NUMB: variants seen among roughly 807,000 people sequenced by gnomAD.
NUMB encodes NUMB endocytic adaptor protein.
In NUMB, 29 loss-of-function variants were observed where a neutral mutation model predicts 59.7. That is an observed-to-expected ratio of 0.49 (90% CI 0.36 to 0.66). The LOEUF is 0.66. NUMB is among the 30% of genes least tolerant of loss of function. NUMB has a pLI of 0.00. For synonymous variants in NUMB, 288 were observed against 288.2 expected (o/e 1.00, Z 0.01); for missense variants, 723 against 822.0 (o/e 0.88, Z 1.47).
Position 73,316,345 on chromosome 14 carries a change from G to A in NUMB, c.234+45C>T, listed in dbSNP as rs751826457. On this transcript the variant is annotated intron_variant, in intron 6 of 12. Coordinates refer to ENST00000555238, the MANE Select transcript of NUMB (RefSeq NM_001005743.2). ...AAAATATGTCAGTGCTACACTAGGG[G>A]TGTAACTCCTTATAAAGCAAGCATG... 4 of 1,561,094 alleles carry A rather than the reference G, an allele frequency of 2.6e-6. No homozygotes were observed. In the South Asian group the frequency reaches 4.4e-5, roughly 17 times the overall value.
chr14:73,383,309 T>C (rs915091194), intron 2 of NUMB, among the ~76,000 whole-genome samples: 1 of 151,412 alleles, frequency 6.6e-6, no homozygotes, highest in East Asian at 1.9e-4. Flanking sequence ...AAAAAAAAAG[T>C]TAAATTGAAA....
chr14:73,452,038 G>T (rs1884016093), intron 1 of NUMB, among the ~76,000 whole-genome samples: 1 of 151,886 alleles, frequency 6.6e-6, no homozygotes, highest in Admixed American at 6.6e-5. Flanking sequence ...GAGTTTAGGA[G>T]TTTAACAAGA....
At chr14:73,368,575 C>A (rs1407385165) in intron 2 of NUMB, among the ~76,000 whole-genome samples, 1 of 151,194 alleles carries the variant, frequency 6.6e-6, no homozygotes, top group African/African-American at 2.4e-5. Flanking sequence ...AAGAGCAAGA[C>A]TCCGTCTCCA....
At chr14:73,277,374 C>T in intron 12 of NUMB, 81 bp from the exon 13 acceptor site, 1 of 1,129,694 alleles carries the variant, frequency 8.9e-7, no homozygotes, top group Non-Finnish European at 1.2e-6. Context: ...TTTGAATGAT[C>T]CTAACATGTA....
At chr14:73,360,069 C>A in intron 3 of NUMB, among the ~76,000 whole-genome samples, 1 of 152,130 alleles carries the variant, frequency 6.6e-6, no homozygotes, top group East Asian at 1.9e-4. Flanking sequence ...GATTAGCCAC[C>A]GTAATCTTTA....
intron 4 of NUMB, among the ~76,000 whole-genome samples, chr14:73,351,676 C>G (rs1221044583): frequency 6.6e-6 from 1 of 151,758 alleles, no homozygotes; most frequent in African/African-American, 2.4e-5. Flanking sequence ...GAACTGTACA[C>G]TTAAAAATGC....
intron 4 of NUMB, among the ~76,000 whole-genome samples, chr14:73,332,575 T>C (rs1892043275): frequency 6.6e-6 from 1 of 151,880 alleles, no homozygotes; most frequent in Non-Finnish European, 1.5e-5. Flanking sequence ...AAATTCTTTC[T>C]CTCCTAGGCT....
chr14:73,343,767 C>CTCT (rs3028693), intron 4 of NUMB, among the ~76,000 whole-genome samples: 117,645 of 152,138 alleles, frequency 0.77, 45,972 homozygotes, highest in African/African-American at 0.88. Flanking sequence ...GTGTTGATAT[C>CTCT]AAAAAGGAGA....
At chr14:73,357,859 G>A (rs746094339) in intron 3 of NUMB, among the ~76,000 whole-genome samples, 4 of 150,286 alleles carry the variant, frequency 2.7e-5, no homozygotes, top group Non-Finnish European at 5.9e-5. Context: ...TACTCAAGTT[G>A]GCATGCTCCA....
chr14:73,295,845 T>A lies in NUMB; in HGVS notation c.309+1366A>T, dbSNP rs79899693. Reference sequence around the variant, plus strand: ...CTGTGTGTCTATTCTTATTTAGGCATTTAGGATCACTGTCTCTCAAATGCA... The same window carrying A: ...CTGTGTGTCTATTCTTATTTAGGCAATTAGGATCACTGTCTCTCAAATGCA... On this transcript the variant is annotated intron_variant, in intron 7 of 12. Transcript: ENST00000555238. 4.0e-3 allele frequency among the ~76,000 whole-genome samples: 609 copies of A among 152,300 alleles called. 5 individuals are homozygous for A. The highest frequency in any genetic ancestry group is 0.01 in the Middle Eastern group (3 of 294).
intron 1 of NUMB, among the ~76,000 whole-genome samples, chr14:73,450,668 G>A (rs1256132176): frequency 6.6e-6 from 1 of 152,024 alleles, no homozygotes; most frequent in African/African-American, 2.4e-5. Context: ...GGTGGCACAC[G>A]CCTGTAATCC....
In NUMB at chr14:73,301,178, A is replaced by T. The variant is rs570282995; in HGVS notation, c.235-3893T>A. ...AAATACGCTAAATATCTGTTGTAGG[A>T]AACAGGAGACAGCTGACCAGTGATA... is the stretch of plus-strand genomic sequence containing the variant. On this transcript the variant is annotated intron_variant, in intron 6 of 12. Transcript: ENST00000555238. Among the ~76,000 whole-genome samples the T allele has an allele frequency of 3.3e-5, 5 of 152,342 alleles. 1 individual carries two copies. The South Asian group carries it at 1.0e-3, about 32-fold the overall frequency.
chr14:73,365,666 C>T (rs1415255007), intron 3 of NUMB, among the ~76,000 whole-genome samples: 4 of 152,092 alleles, frequency 2.6e-5, no homozygotes, highest in African/African-American at 9.7e-5. Context: ...TCATACAAGG[C>T]AGGTCCCATT....
intron 9 of NUMB, chr14:73,284,818 A>C (rs1888872195): frequency 1.3e-5 from 2 of 151,592 alleles, no homozygotes; most frequent in Non-Finnish European, 2.9e-5. Context: ...AAAGAATGTC[A>C]TATATAACAG....
At chr14:73,293,187 TA>T (rs1219844036) in intron 7 of NUMB, among the ~76,000 whole-genome samples, 73 of 149,812 alleles carry the variant, frequency 4.9e-4, no homozygotes, top group South Asian at 4.4e-3. Flanking sequence ...ATCCTTTGGA[TA>T]AAAAAAAAAT....
chr14:73,416,648 T>C (rs1897138597), intron 1 of NUMB, among the ~76,000 whole-genome samples: 1 of 152,086 alleles, frequency 6.6e-6, no homozygotes, highest in Non-Finnish European at 1.5e-5. Context: ...CTAGACCAGC[T>C]TGGCCAATGT....
intron 6 of NUMB, among the ~76,000 whole-genome samples, chr14:73,315,912 A>G (rs1891059599): frequency 6.6e-6 from 1 of 152,110 alleles, no homozygotes; most frequent in South Asian, 2.1e-4. Flanking sequence ...TTTGAGACAG[A>G]GTCTCACTCT....
intron 1 of NUMB, among the ~76,000 whole-genome samples, chr14:73,435,585 ATAAAGT>A (rs1194522282): frequency 2.0e-5 from 3 of 151,664 alleles, no homozygotes; most frequent in African/African-American, 7.3e-5. Flanking sequence ...GCAATTTCTT[ATAAAGT>A]TAAACACACA....
At chr14:73,279,523 G>A (rs1888461688) in intron 11 of NUMB, 99 bp from the exon 12 acceptor site, 2 of 1,153,250 alleles carry the variant, frequency 1.7e-6, no homozygotes, top group Non-Finnish European at 2.4e-6. Flanking sequence ...CAATACTGGT[G>A]GAATGGATAA....
Sources: allele counts gnomAD v4.1 joint callset (sites outside exome capture counted in the v4.1 genomes callset), GRCh38; gene constraint gnomAD v4.1.1; transcripts MANE v1.5; gene names NCBI Gene and HGNC (gene_info 2026-07-23, HGNC 2026-07-21).